The following ADGRA3 variants were observed in gnomAD, a reference collection of about 807,000 sequenced individuals.
ADGRA3 encodes the protein G-protein coupled receptor 125.
A neutral mutation model predicts 119.8 loss-of-function variants in ADGRA3; 56 were observed. The observed-to-expected ratio is 0.47, with a 90% CI of 0.38 to 0.58. ADGRA3 has a LOEUF of 0.58. ADGRA3 is among the 20% of genes least tolerant of loss of function. The probability of loss-of-function intolerance (pLI) is 0.00; values close to 1 mark genes in which losing one functional copy is unlikely to be tolerated. For synonymous variants in ADGRA3, 607 were observed against 623.8 expected, an observed-to-expected ratio of 0.97 and a Z score of 0.40; for missense variants, 1,516 against 1,649.0, an observed-to-expected ratio of 0.92 and a Z score of 1.40.
chr4:22,401,175 T>C (rs1043787404), intron 16 of ADGRA3, among the ~76,000 whole-genome samples: 2 of 152,182 alleles, frequency 1.3e-5, no homozygotes, highest in Non-Finnish European at 2.9e-5. Context: ...GTAACAGGCA[T>C]TGTAATAATA....
chr4:22,433,125 T>C (rs752283414), intron 10 of ADGRA3, among the ~76,000 whole-genome samples: 7 of 152,184 alleles, frequency 4.6e-5, no homozygotes, highest in Non-Finnish European at 1.0e-4. Context: ...CACATTTATA[T>C]CTCAATTATT....
chr4:22,471,682 C>A (rs1560334135), intron 2 of ADGRA3, among the ~76,000 whole-genome samples: 1 of 151,730 alleles, frequency 6.6e-6, no homozygotes, highest in Non-Finnish European at 1.5e-5. Flanking sequence ...CACAAGAGGC[C>A]CAGGTCCCAG....
intron 1 of ADGRA3, among the ~76,000 whole-genome samples, chr4:22,503,882 A>T (rs1719140570): frequency 6.6e-6 from 1 of 152,194 alleles, no homozygotes; most frequent in Admixed American, 6.5e-5. Context: ...TAGTCTTGGT[A>T]GGGGCACATT....
At chr4:22,510,285 C>T (rs886958246) in intron 1 of ADGRA3, among the ~76,000 whole-genome samples, 1 of 152,160 alleles carries the variant, frequency 6.6e-6, no homozygotes, top group Non-Finnish European at 1.5e-5. Context: ...ATGGACACTG[C>T]TCACGGAGGG....
intron 12 of ADGRA3, chr4:22,414,587 C>T (rs1159647968): frequency 1.4e-6 from 1 of 698,032 alleles, no homozygotes; most frequent in Non-Finnish European, 2.6e-6. Context: ...CTTCTAATTC[C>T]ATATTCACCG....
At chr4:22,406,314 T>C (rs1246791674) in intron 14 of ADGRA3, among the ~76,000 whole-genome samples, 1 of 152,188 alleles carries the variant, frequency 6.6e-6, no homozygotes, top group Non-Finnish European at 1.5e-5. Flanking sequence ...AATATACTGA[T>C]TTCCTTTCTT....
In ADGRA3 at chr4:22,515,809, G is replaced by T; in HGVS notation, c.-25C>A. The T allele has an allele frequency of 1.0e-6, 1 of 990,182 alleles. No homozygotes were observed. Among genetic ancestry groups the T allele is most frequent in the South Asian group, 4.6e-5 (1 of 21,810 alleles). 61.3% of individuals were successfully genotyped at this position (990,182 alleles called of 1,614,324 possible). A position where few individuals can be genotyped will look rare whatever the true frequency, so the allele number is the denominator to read the frequency against. On this transcript the variant is annotated 5_prime_UTR_variant, in exon 1 of 19. Transcript: ENST00000334304. Reference sequence around the variant, plus strand: ...TGCTGCGGGCCGGGGCCTGCGGGGCGAGCGGCGGCGCACTGGCCTAGCGGG... The same window carrying T: ...TGCTGCGGGCCGGGGCCTGCGGGGCTAGCGGCGGCGCACTGGCCTAGCGGG...
chr4:22,446,605 A>G (rs1162985082), intron 5 of ADGRA3, among the ~76,000 whole-genome samples: 9 of 152,060 alleles, frequency 5.9e-5, no homozygotes, highest in Non-Finnish European at 1.2e-4. Flanking sequence ...CCTAATAGCT[A>G]TTAGCTACAT....
chr4:22,495,967 C>T, intron 1 of ADGRA3, among the ~76,000 whole-genome samples: 1 of 151,734 alleles, frequency 6.6e-6, no homozygotes, highest in Non-Finnish European at 1.5e-5. Flanking sequence ...ATTAGAGTAT[C>T]ATCATTCTGC....
At chr4:22,499,848 A>G (rs1388917545) in intron 1 of ADGRA3, among the ~76,000 whole-genome samples, 2 of 152,246 alleles carry the variant, frequency 1.3e-5, no homozygotes, top group Non-Finnish European at 2.9e-5. Flanking sequence ...TTACTTGGAC[A>G]TAATATGCAC....
At chr4:22,396,832 T>C (rs762214345) in intron 16 of ADGRA3, among the ~76,000 whole-genome samples, 1 of 152,304 alleles carries the variant, frequency 6.6e-6, no homozygotes, top group Middle Eastern at 3.4e-3. Flanking sequence ...TTGCAATTCC[T>C]CTCTTTTTCC....
At chr4:22,474,069 C>A (rs891544501) in intron 1 of ADGRA3, among the ~76,000 whole-genome samples, 3 of 152,120 alleles carry the variant, frequency 2.0e-5, no homozygotes, top group African/African-American at 7.2e-5. Flanking sequence ...TTCTATCACA[C>A]ATAATCAAAA....
intron 4 of ADGRA3, among the ~76,000 whole-genome samples, chr4:22,451,682 A>C (rs1170603690): frequency 6.6e-6 from 1 of 152,180 alleles, no homozygotes; most frequent in Non-Finnish European, 1.5e-5. Flanking sequence ...CTGGCTGAGA[A>C]TGCCTAGGCT....
At chr4:22,439,486 G>C (rs1490102446) in intron 7 of ADGRA3, among the ~76,000 whole-genome samples, 1 of 152,118 alleles carries the variant, frequency 6.6e-6, no homozygotes, top group Non-Finnish European at 1.5e-5. Flanking sequence ...TAGACAGAAA[G>C]TATGTATCAT....
At chr4:22,392,749 T>C in intron 16 of ADGRA3, 59 bp from the exon 17 acceptor site, 1 of 1,479,434 alleles carries the variant, frequency 6.8e-7, no homozygotes, top group Non-Finnish European at 9.2e-7. Flanking sequence ...AAGGCTTACC[T>C]CAAAATTGGT....
At chr4:22,467,249 TAA>T (rs1717693109) in intron 2 of ADGRA3, among the ~76,000 whole-genome samples, 1 of 152,220 alleles carries the variant, frequency 6.6e-6, no homozygotes, top group South Asian at 2.1e-4. Context: ...TCCGTATGTT[TAA>T]AATTCTTCAT....
At chr4:22,468,907 T>C (rs774226099) in intron 2 of ADGRA3, among the ~76,000 whole-genome samples, 4 of 151,986 alleles carry the variant, frequency 2.6e-5, no homozygotes, top group African/African-American at 4.8e-5. Context: ...AGAGGAAAAT[T>C]TATAGGAAGT....
intron 1 of ADGRA3, among the ~76,000 whole-genome samples, chr4:22,488,091 G>T (rs1718497733): frequency 6.6e-6 from 1 of 152,100 alleles, no homozygotes; most frequent in Admixed American, 6.6e-5. Flanking sequence ...AGGGATAATG[G>T]TGCTGATCTG....
Position 22,392,636 on chromosome 4 carries a change from T to A in ADGRA3, c.2536A>T (p.Thr846Ser). 1.2e-6 allele frequency: 2 copies of A among 1,613,926 alleles called. No homozygotes were observed. Among genetic ancestry groups the A allele is most frequent in the South Asian group, 1.1e-5 (1 of 91,072 alleles). ...ACTTGTTTGTAGATATTTCGAGCTG[T>A]CACTCCTACCCATAGTACTGTGGCA... ...TLATVLWVGV[T>S]ARNIYKQVTK... Residue 846 changes from threonine (T) to serine (S), a missense_variant, in exon 17 of 19, where the codon ACA becomes TCA. Physicochemically the swap from Thr to Ser is moderately conservative, Grantham distance 58. Coordinates refer to ENST00000334304, the MANE Select transcript of ADGRA3 (RefSeq NM_145290.4).
Sources: allele counts gnomAD v4.1 joint callset (sites outside exome capture counted in the v4.1 genomes callset), GRCh38; gene constraint gnomAD v4.1.1; transcripts MANE v1.5; gene names NCBI Gene and HGNC (gene_info 2026-07-23, HGNC 2026-07-21).